The following HECW2 variants were observed in gnomAD, a reference collection of about 807,000 sequenced individuals.
HECW2 encodes HECT, C2 and WW domain containing E3 ubiquitin protein ligase 2, also known as E3 ubiquitin-protein ligase HECW2.
Under a neutral mutation model 175.2 loss-of-function variants are expected in HECW2, and 61 were observed. The observed-to-expected ratio is 0.35, with a 90% CI of 0.28 to 0.43. The LOEUF (loss-of-function observed/expected upper bound fraction) is 0.43. HECW2 is among the 20% of genes least tolerant of loss of function. The pLI, the probability that HECW2 is intolerant of heterozygous loss-of-function variation, is 1.00. For missense variants in HECW2, 1,524 were observed against 2,000.5 expected, an observed-to-expected ratio of 0.76 and a Z score of 4.54; for synonymous variants, 671 against 731.0, an observed-to-expected ratio of 0.92 and a Z score of 1.32.
chr2:196,549,708 CTT>C lies in HECW2; in HGVS notation c.-36+43798_-36+43799del, dbSNP rs143122084. On this transcript the variant is annotated intron_variant, in intron 1 of 28. Coordinates refer to ENST00000644978, the MANE Select transcript of HECW2 (RefSeq NM_001348768.2). ...TTATAGTTTTTATCTTACAAAATCA[CTT>C]TTTGTTTAAAGCTCCTACATAGACA... Among the ~76,000 whole-genome samples the C allele has an allele frequency of 5.4e-3, 818 of 151,964 alleles. 6 individuals carry two copies. The highest frequency in any genetic ancestry group is 8.8e-3 in the Admixed American group (135 of 15,266).
intron 1 of HECW2, among the ~76,000 whole-genome samples, chr2:196,543,315 T>TA (rs879323125): frequency 0.011 from 1,638 of 143,514 alleles, 29 homozygotes; most frequent in African/African-American, 0.037. Flanking sequence ...TTGTTTTTGG[T>TA]AAAAAAAAAA....
chr2:196,225,834 T>G lies in HECW2; in HGVS notation c.3954A>C (p.Leu1318=). The G allele has an allele frequency of 6.2e-7, 1 of 1,613,092 alleles. No homozygotes were observed. Among genetic ancestry groups the G allele is most frequent in the East Asian group, 2.2e-5 (1 of 44,880 alleles). ...RFSGRILGLA[L]IHQYLLDAFF... ...AGGCATCCAACAAATACTGGTGTAT[T>G]AGTGCAAGACCAAGGATCCTACCAC... The change falls in exon 23 of 29, where the codon CTA becomes CTC. Residue 1318 remains leucine, a synonymous_variant. Coordinates refer to ENST00000644978, the MANE Select transcript of HECW2 (RefSeq NM_001348768.2).
At position 196,309,199 on chromosome 2, in the gene HECW2, G is replaced by A. The variant is rs117696517; in HGVS notation, c.2435-1114C>T. Among the ~76,000 whole-genome samples the A allele has an allele frequency of 5.8e-3, 877 of 152,300 alleles. 7 individuals are homozygous for A. Among genetic ancestry groups the A allele is most frequent in the Middle Eastern group, 0.02 (6 of 294 alleles). ...AGAGTCCTTAGGGTTGGAAAGACCT[G>A]CATGGTAGAGCTCAGCCTGCACCAG... On this transcript the variant is annotated intron_variant, in intron 10 of 28. Coordinates refer to ENST00000644978, the MANE Select transcript of HECW2 (RefSeq NM_001348768.2).
intron 10 of HECW2, among the ~76,000 whole-genome samples, chr2:196,315,087 T>C (rs1691639639): frequency 6.6e-6 from 1 of 151,736 alleles, no homozygotes; most frequent in Admixed American, 6.6e-5. Context: ...ATCCAAAACC[T>C]ATCCATGAGA....
intron 1 of HECW2, among the ~76,000 whole-genome samples, chr2:196,534,328 C>A (rs1158282775): frequency 6.6e-6 from 1 of 152,160 alleles, no homozygotes. Context: ...AACTATGTAG[C>A]CCTTCCCTGC....
Position 196,319,157 on chromosome 2 carries a change from C to T in HECW2, c.1733G>A (p.Ser578Asn). 3 of 1,595,026 alleles carry T rather than the reference C, an allele frequency of 1.9e-6. No homozygotes were observed. Among genetic ancestry groups the T allele is most frequent in the Non-Finnish European group, 2.6e-6 (3 of 1,169,742 alleles). The change falls in exon 9 of 29, where the codon AGT becomes AAT. Residue 578 changes from serine (S) to asparagine (N), a missense_variant. Transcript: ENST00000644978. ...ATCGGAAGTCCCTGTGTCTGCGCCA[C>T]TTGTGGGCTGATCTACCTCTTGAGA... The part of the protein sequence containing the change: ...CGSQEVDQPT[S>N]GADTGTSDAS...
chr2:196,507,463 T>C (rs1430732386), intron 1 of HECW2, among the ~76,000 whole-genome samples: 1 of 152,216 alleles, frequency 6.6e-6, no homozygotes, highest in Non-Finnish European at 1.5e-5. Context: ...TGGTCATGAC[T>C]GGGGTCGCTG....
In HECW2 at chr2:196,318,642, C is replaced by T; in HGVS notation, c.2248G>A (p.Ala750Thr). The T allele has an allele frequency of 6.3e-7, 1 of 1,599,444 alleles. No homozygotes were observed. The highest frequency in any genetic ancestry group is 8.5e-7 in the Non-Finnish European group (1 of 1,172,444). ...CCTTCTTCTTGCGGTGGGCTCTCGG[C>T]AGCAGCTGCAGCTCCCTCCAGGCTC... ...RGSLEGAAAA[A>T]ESPPQEEGSA... The change falls in exon 9 of 29, where the codon GCC (alanine) becomes ACC (threonine). Residue 750 changes from alanine to threonine, a missense_variant. Transcript: ENST00000644978.
chr2:196,274,034 G>T lies in HECW2; in HGVS notation c.3225C>A (p.Asp1075Glu), dbSNP rs755672905. The change falls in exon 16 of 29, where the codon GAC (aspartate) becomes GAA (glutamate). Residue 1075 changes from aspartate to glutamate, a missense_variant. By Grantham distance (45) the Asp-to-Glu change is conservative. Coordinates refer to ENST00000644978, the MANE Select transcript of HECW2 (RefSeq NM_001348768.2). ...FNTVSRPQYQ[D>E]MVPVAYNDKI... ...GGGATGACATACCCACTGGAACCAT[G>T]TCCTGGTACTGTGGCCTACTGACTG... The T allele has an allele frequency of 9.9e-6, 16 of 1,611,700 alleles. No individual in the cohort carries two copies. The South Asian group carries it at 1.8e-4, about 18-fold the overall frequency.
At chr2:196,580,054 G>A (rs574854357) in intron 1 of HECW2, among the ~76,000 whole-genome samples, 15 of 152,096 alleles carry the variant, frequency 9.9e-5, no homozygotes, top group Non-Finnish European at 2.2e-4. Flanking sequence ...AGACAAAATA[G>A]ACTTTAAGAC....
At chr2:196,516,845 G>T (rs1193197531) in intron 1 of HECW2, among the ~76,000 whole-genome samples, 1 of 152,194 alleles carries the variant, frequency 6.6e-6, no homozygotes, top group Non-Finnish European at 1.5e-5. Context: ...GTAAGCATCA[G>T]TTAAGCTAGG....
At chr2:196,578,113 A>C (rs1690627768) in intron 1 of HECW2, among the ~76,000 whole-genome samples, 1 of 152,192 alleles carries the variant, frequency 6.6e-6, no homozygotes, top group African/African-American at 2.4e-5. Context: ...ATGTCTAAAG[A>C]ATTAAAGTAC....
Position 196,274,108 on chromosome 2 carries a change from G to A in HECW2, c.3151C>T (p.Arg1051Ter). The change falls in exon 16 of 29, where the codon CGA becomes TGA. Residue 1051 changes from arginine to a stop codon, truncating the protein, a stop_gained. Coordinates refer to ENST00000644978, the MANE Select transcript of HECW2 (RefSeq NM_001348768.2). LOFTEE classifies it high-confidence loss of function. ...HSAGEVGEDS[R>*]HAGPPVLPRP... is the part of the protein sequence containing the mutation. ...GGAAGAACTGGTGGTCCTGCATGTC[G>A]AGAATCTTCTCCTACCTGCAAACAG... 2 of 1,613,570 alleles carry A rather than the reference G, an allele frequency of 1.2e-6. No homozygotes were observed. Among genetic ancestry groups the A allele is most frequent in the Non-Finnish European group, 1.7e-6 (2 of 1,179,534 alleles).
chr2:196,316,022 T>G (rs1045468884), intron 10 of HECW2: 2 of 152,240 alleles, frequency 1.3e-5, no homozygotes, highest in South Asian at 4.1e-4. Flanking sequence ...ATTTTCCTTT[T>G]TTGACTCATC....
chr2:196,495,357 C>G (rs769010314), intron 1 of HECW2, among the ~76,000 whole-genome samples: 20 of 152,236 alleles, frequency 1.3e-4, no homozygotes, highest in African/African-American at 4.3e-4. Flanking sequence ...TGAGCCACCA[C>G]GCCCTGTCAT....
At chr2:196,333,938 C>T (rs549645801) in intron 4 of HECW2, among the ~76,000 whole-genome samples, 147 of 152,278 alleles carry the variant, frequency 9.7e-4, no homozygotes, top group Non-Finnish European at 1.8e-3. Flanking sequence ...GACACTAGAT[C>T]CAAACTCAGC....
intron 18 of HECW2, among the ~76,000 whole-genome samples, chr2:196,257,513 C>G (rs565206465): frequency 1.3e-4 from 20 of 150,384 alleles, no homozygotes; most frequent in Non-Finnish European, 2.8e-4. Context: ...ACGGTGGATG[C>G]CTTGTTCAGA....
chr2:196,275,557 T>G (rs4387814), intron 15 of HECW2, among the ~76,000 whole-genome samples: 22,884 of 152,000 alleles, frequency 0.15, 2,254 homozygotes, highest in African/African-American at 0.27. Flanking sequence ...ATCGAGACCA[T>G]CCTGGCCAAC....
intron 1 of HECW2, 34 bp from the exon 2 acceptor site, chr2:196,433,492 C>T (rs1006158701): frequency 1.3e-6 from 2 of 1,489,132 alleles, no homozygotes; most frequent in African/African-American, 2.8e-5. Context: ...AACATTAGTG[C>T]TACAATACGA....
Sources: gnomAD v4.1 joint callset for allele counts (sites outside exome capture counted in the v4.1 genomes callset) on GRCh38, gnomAD v4.1.1 for gene constraint, MANE v1.5 for transcripts, NCBI Gene and HGNC (gene_info 2026-07-23, HGNC 2026-07-21) for gene names.